RAB38: variants seen among roughly 807,000 people sequenced by gnomAD.
The protein encoded by RAB38 is ras-related protein Rab-38.
Under a neutral mutation model 18.4 loss-of-function variants are expected in RAB38, and 15 were observed. The observed-to-expected ratio is 0.82, with a 90% confidence interval of 0.55 to 1.26. The LOEUF (loss-of-function observed/expected upper bound fraction) is 1.26, where lower values mean the gene tolerates loss of function less well. Among genes scored for constraint, RAB38 ranks in the 50% most tolerant of loss-of-function variants. The pLI is 0.00. For missense variants in RAB38, 294 were observed against 267.4 expected, an observed-to-expected ratio of 1.10 and a Z score of -0.69; for synonymous variants, 101 against 104.4, an observed-to-expected ratio of 0.97 and a Z score of 0.20.
intron 1 of RAB38, among the ~76,000 whole-genome samples, chr11:88,171,143 A>G (rs535694402): frequency 1.2e-4 from 19 of 152,358 alleles, no homozygotes; most frequent in African/African-American, 4.1e-4. Flanking sequence ...GCTAACACTC[A>G]TTCAGCATTT....
chr11:87,870,322 A>G, the RAB38 span, among the ~76,000 whole-genome samples: 6 of 151,772 alleles, frequency 4.0e-5, no homozygotes, highest in East Asian at 1.2e-3. Context: ...GATATCATCC[A>G]CTGTGACTCA....
chr11:88,005,611 C>T, the RAB38 span, among the ~76,000 whole-genome samples: 4 of 149,150 alleles, frequency 2.7e-5, no homozygotes, highest in Non-Finnish European at 6.0e-5. Context: ...TCATATGATA[C>T]CATTTGTCTG....
chr11:88,096,498 A>G, the RAB38 span, among the ~76,000 whole-genome samples: 1 of 151,868 alleles, frequency 6.6e-6, no homozygotes, highest in Admixed American at 6.6e-5. Flanking sequence ...CACCTAACAT[A>G]TTATATATAT....
At chr11:87,896,198 T>C in the RAB38 span, among the ~76,000 whole-genome samples, 2 of 151,714 alleles carry the variant, frequency 1.3e-5, no homozygotes, top group Non-Finnish European at 3.0e-5. Context: ...AGCAGCTGTC[T>C]GACCATAGCC....
At chr11:88,109,216 T>G (rs957794020), downstream of RAB38, among the ~76,000 whole-genome samples, 4 of 151,990 alleles carry the variant, frequency 2.6e-5, no homozygotes, top group Non-Finnish European at 4.4e-5. Context: ...AGGAAAAACA[T>G]TACACATCTA....
the RAB38 span, among the ~76,000 whole-genome samples, chr11:87,887,995 G>A: frequency 6.6e-6 from 1 of 151,816 alleles, no homozygotes; most frequent in South Asian, 2.1e-4. Flanking sequence ...TTTCTGAAAA[G>A]TGTTCTACTC....
At chr11:87,851,709 T>A in the RAB38 span, among the ~76,000 whole-genome samples, 2 of 152,164 alleles carry the variant, frequency 1.3e-5, no homozygotes, top group South Asian at 2.1e-4. Context: ...ATCTCTTTGA[T>A]CCTAAGATTA....
At chr11:87,933,571 G>A in the RAB38 span, among the ~76,000 whole-genome samples, 1 of 152,054 alleles carries the variant, frequency 6.6e-6, no homozygotes, top group Non-Finnish European at 1.5e-5. Flanking sequence ...TAAATGTGAA[G>A]CTTCCTTGGT....
At chr11:88,091,758 G>C in the RAB38 span, among the ~76,000 whole-genome samples, 1 of 151,904 alleles carries the variant, frequency 6.6e-6, no homozygotes, top group Non-Finnish European at 1.5e-5. Flanking sequence ...CTTTAGCTGG[G>C]AAAAATTTCA....
At chr11:87,920,558 T>C in the RAB38 span, among the ~76,000 whole-genome samples, 1 of 152,212 alleles carries the variant, frequency 6.6e-6, no homozygotes, top group Non-Finnish European at 1.5e-5. Context: ...TGGTTTAATA[T>C]ATGATCTATT....
chr11:88,004,223 C>T, the RAB38 span, among the ~76,000 whole-genome samples: 1 of 150,360 alleles, frequency 6.7e-6, no homozygotes, highest in African/African-American at 2.4e-5. Flanking sequence ...TTCGTGAATA[C>T]AGATTTAAAA....
the RAB38 span, among the ~76,000 whole-genome samples, chr11:87,821,722 G>A: frequency 2.8e-4 from 43 of 151,876 alleles, no homozygotes; most frequent in African/African-American, 9.2e-4. Flanking sequence ...ATGGTGGTGG[G>A]TACCTGTAAT....
the RAB38 span, among the ~76,000 whole-genome samples, chr11:87,917,393 G>A: frequency 3.9e-5 from 6 of 152,024 alleles, no homozygotes; most frequent in Non-Finnish European, 7.4e-5. Flanking sequence ...ACTAATTCTT[G>A]CTTCTGGTTT....
the RAB38 span, among the ~76,000 whole-genome samples, chr11:87,867,272 T>C: frequency 6.6e-6 from 1 of 151,720 alleles, no homozygotes; most frequent in African/African-American, 2.4e-5. Flanking sequence ...GTGATCCAAA[T>C]TGTTATTTCA....
At chr11:87,954,550 C>G in the RAB38 span, among the ~76,000 whole-genome samples, 1 of 151,876 alleles carries the variant, frequency 6.6e-6, no homozygotes, top group East Asian at 1.9e-4. Flanking sequence ...GAAGGAACAG[C>G]CTTGTTGAGA....
chr11:87,811,361 G>C, the RAB38 span, among the ~76,000 whole-genome samples: 2 of 152,144 alleles, frequency 1.3e-5, no homozygotes, highest in African/African-American at 4.8e-5. Flanking sequence ...GCCAGCTGCC[G>C]AATTATCATT....
the RAB38 span, among the ~76,000 whole-genome samples, chr11:87,931,103 A>G: frequency 6.6e-6 from 1 of 152,108 alleles, no homozygotes; most frequent in Non-Finnish European, 1.5e-5. Context: ...CTGTGAAGAA[A>G]GTCATTGTTA....
chr11:88,171,789 T>C (rs1170107845), intron 1 of RAB38, among the ~76,000 whole-genome samples: 3 of 152,254 alleles, frequency 2.0e-5, no homozygotes, highest in East Asian at 3.8e-4. Context: ...TGAGCAATTA[T>C]AGTCTCTGGA....
chr11:87,976,473 T>C, the RAB38 span, among the ~76,000 whole-genome samples: 1 of 129,552 alleles, frequency 7.7e-6, no homozygotes, highest in South Asian at 2.3e-4. Context: ...ATTTTACATA[T>C]AGTTATATAT....
Sources: gnomAD v4.1 joint callset for allele counts (sites outside exome capture counted in the v4.1 genomes callset) on GRCh38, gnomAD v4.1.1 for gene constraint, MANE v1.5 for transcripts, NCBI Gene and HGNC (gene_info 2026-07-23, HGNC 2026-07-21) for gene names.